MAP3K7CL: variants seen among roughly 807,000 people sequenced by gnomAD.
MAP3K7CL encodes the protein MAP3K7 C-terminal like.
Under a neutral mutation model 18.6 loss-of-function variants are expected in MAP3K7CL, and 16 were observed. That is an observed-to-expected ratio of 0.86 (90% confidence interval 0.58 to 1.31). The LOEUF (loss-of-function observed/expected upper bound fraction) is 1.31, where lower values mean the gene tolerates loss of function less well. MAP3K7CL is among the 50% of genes most tolerant of loss of function. The pLI is 0.00. For missense variants in MAP3K7CL, 163 were observed against 174.4 expected (o/e 0.93, Z 0.37); for synonymous variants, 65 against 66.8 (o/e 0.97, Z 0.13).
At chr21:29,079,319 A>G (rs1322436778) in intron 1 of MAP3K7CL, among the ~76,000 whole-genome samples, 1 of 152,236 alleles carries the variant, frequency 6.6e-6, no homozygotes, top group Non-Finnish European at 1.5e-5. Flanking sequence ...AGAGACAGGA[A>G]GGAAGTGGCT....
chr21:29,143,903 T>A (rs2087065029), intron 2 of MAP3K7CL, among the ~76,000 whole-genome samples: 1 of 152,114 alleles, frequency 6.6e-6, no homozygotes, highest in Non-Finnish European at 1.5e-5. Context: ...CCCTCTGATA[T>A]AAAGAAAGAA....
rs1369347091 is a variant in MAP3K7CL at position 29,092,492 on chromosome 21, A to T, written c.281A>T (p.Lys94Met). 6 of 1,614,106 alleles carry T rather than the reference A, an allele frequency of 3.7e-6. No homozygotes were observed. The African/African-American group carries it at 8.0e-5, about 22-fold the overall frequency. ...TTGGCCATGTTGGAGGACAATCCAA[A>T]GGTCAGCAAGTTGGCTACTGGCGAT... The change falls in exon 4 of 7, where the codon AAG (lysine) becomes ATG (methionine). Residue 94 changes from lysine to methionine, a missense_variant. By Grantham distance (95) the Lys-to-Met change is moderately conservative. Transcript: ENST00000286791.
At chr21:29,147,084 G>C (rs1028194409) in intron 2 of MAP3K7CL, among the ~76,000 whole-genome samples, 1 of 152,002 alleles carries the variant, frequency 6.6e-6, no homozygotes, top group Admixed American at 6.6e-5. Flanking sequence ...CATAAAAACT[G>C]TTATCTTTTC....
intron 4 of MAP3K7CL, among the ~76,000 whole-genome samples, chr21:29,102,300 A>G (rs935634351): frequency 1.3e-5 from 2 of 152,188 alleles, no homozygotes; most frequent in Non-Finnish European, 2.9e-5. Context: ...TCCATTAACA[A>G]AGAGGCCGTT....
upstream of MAP3K7CL, among the ~76,000 whole-genome samples, chr21:29,084,287 A>G (rs1292506501): frequency 6.6e-6 from 1 of 152,072 alleles, no homozygotes; most frequent in African/African-American, 2.4e-5. Flanking sequence ...TTACATTACT[A>G]TATATAGATT....
intron 3 of MAP3K7CL, among the ~76,000 whole-genome samples, chr21:29,155,936 G>T (rs1039761606): frequency 2.0e-5 from 3 of 152,304 alleles, no homozygotes; most frequent in Middle Eastern, 6.8e-3. Context: ...AGATACGATG[G>T]CAGGGAGTGC....
At chr21:29,164,099 A>G (rs1373998695) in intron 4 of MAP3K7CL, among the ~76,000 whole-genome samples, 1 of 140,342 alleles carries the variant, frequency 7.1e-6, no homozygotes, top group Non-Finnish European at 1.6e-5. Flanking sequence ...GACTCCATTT[A>G]AAAAAAAAAA....
chr21:29,105,156 C>A (rs1457447120), intron 4 of MAP3K7CL, among the ~76,000 whole-genome samples: 6 of 152,192 alleles, frequency 3.9e-5, no homozygotes, highest in Admixed American at 2.6e-4. Context: ...ATTCTCTGGG[C>A]AATTCCTCAT....
rs577527098 is a variant in MAP3K7CL at position 29,120,680 on chromosome 21, T to A, written c.370+28099T>A. On this transcript the variant is annotated intron_variant, in intron 4 of 6. Transcript: ENST00000286791. ...CTTTTCTTTCTTTCTTTTTCTTTCT[T>A]TCTTTCTTTCTGTTTCTTTCTTTCC... is the stretch of plus-strand genomic sequence containing the variant. 2.9e-3 allele frequency among the ~76,000 whole-genome samples: 434 copies of A among 152,062 alleles called. 1 individual carries two copies. Among genetic ancestry groups the A allele is most frequent in the African/African-American group, 0.01 (418 of 41,452 alleles).
intron 4 of MAP3K7CL, among the ~76,000 whole-genome samples, chr21:29,112,584 T>A (rs2086437313): frequency 6.6e-6 from 1 of 152,098 alleles, no homozygotes; most frequent in African/African-American, 2.4e-5. Context: ...CTTTCTTTGG[T>A]AGGTTTGATC....
chr21:29,162,138 T>C (rs1454780679), intron 4 of MAP3K7CL, among the ~76,000 whole-genome samples: 1 of 151,988 alleles, frequency 6.6e-6, no homozygotes, highest in Non-Finnish European at 1.5e-5. Context: ...GTGATCCATA[T>C]TGAAGTCAAA....
Position 29,160,879 on chromosome 21 carries a change from G to A in MAP3K7CL, c.248+823G>A, listed in dbSNP as rs138139039. On this transcript the variant is annotated intron_variant, in intron 4 of 4. Coordinates refer to ENST00000399928, the MANE Select transcript of MAP3K7CL (RefSeq NM_001286620.2). ...CCTGGTATGATATGTGGCACCTAGA[G>A]GCTGAGTAAATTATTGTTGATGTGT... Among the ~76,000 whole-genome samples the A allele has an allele frequency of 2.1e-3, 315 of 152,322 alleles. 1 individual carries two copies. The highest frequency in any genetic ancestry group is 3.5e-3 in the Admixed American group (54 of 15,306).
intron 2 of MAP3K7CL, among the ~76,000 whole-genome samples, chr21:29,143,812 T>A (rs537025913): frequency 6.6e-6 from 1 of 152,136 alleles, no homozygotes; most frequent in East Asian, 1.9e-4. Context: ...GAGGGGGAGA[T>A]GATTGATTGT....
chr21:29,110,817 CTGAA>C (rs968691914), intron 4 of MAP3K7CL, among the ~76,000 whole-genome samples: 2 of 152,134 alleles, frequency 1.3e-5, no homozygotes, highest in African/African-American at 2.4e-5. Context: ...TTTTTGTTCT[CTGAA>C]TGTTTCTTTT....
At chr21:29,113,721 A>G (rs942462968) in intron 4 of MAP3K7CL, among the ~76,000 whole-genome samples, 5 of 151,924 alleles carry the variant, frequency 3.3e-5, no homozygotes, top group African/African-American at 1.2e-4. Flanking sequence ...ATGGGGTTTC[A>G]CCATGTTGGT....
At chr21:29,077,316 C>T (rs8131783), upstream of MAP3K7CL, among the ~76,000 whole-genome samples, 3 of 152,360 alleles carry the variant, frequency 2.0e-5, no homozygotes, top group African/African-American at 7.2e-5. Context: ...AGGAAGACAG[C>T]TAAGGCCAGG....
At chr21:29,138,627 T>C (rs1444520302) in intron 2 of MAP3K7CL, among the ~76,000 whole-genome samples, 1 of 152,242 alleles carries the variant, frequency 6.6e-6, no homozygotes, top group Admixed American at 6.5e-5. Context: ...TTGTTTCGCT[T>C]AGAAAGAGTC....
intron 1 of MAP3K7CL, chr21:29,091,459 A>T (rs1389695053): frequency 1.5e-6 from 1 of 649,282 alleles, no homozygotes; most frequent in East Asian, 2.7e-5. Context: ...TCCTGAGTGT[A>T]CATTTTCTTT....
chr21:29,139,334 G>A (rs1278487597), intron 2 of MAP3K7CL: 1 of 152,236 alleles, frequency 6.6e-6, no homozygotes, highest in Admixed American at 6.5e-5. Flanking sequence ...AAAGAAATCT[G>A]TAGCTGGTTG....
Sources: allele counts gnomAD v4.1 joint callset (sites outside exome capture counted in the v4.1 genomes callset), GRCh38; gene constraint gnomAD v4.1.1; transcripts MANE v1.5; gene names NCBI Gene and HGNC (gene_info 2026-07-23, HGNC 2026-07-21).